The following FAM110A variants were observed in gnomAD, a reference collection of about 807,000 sequenced individuals.
FAM110A encodes protein FAM110A.
A neutral mutation model predicts 4.0 loss-of-function variants in FAM110A; 1 was observed. The observed-to-expected ratio is 0.25, with a 90% CI of 0.09 to 1.20. The LOEUF is 1.20. FAM110A is among the 50% of genes most tolerant of loss of function. FAM110A has a pLI of 0.50. For synonymous variants in FAM110A, 217 were observed against 196.8 expected (o/e 1.10, Z -0.86); for missense variants, 436 against 429.2 (o/e 1.02, Z -0.14).
chr20:845,971 G>T lies in FAM110A; in HGVS notation c.*279G>T. On this transcript the variant is annotated 3_prime_UTR_variant, in exon 2 of 2. Coordinates refer to ENST00000381941, the MANE Select transcript of FAM110A (RefSeq NM_001042353.3). ...TGTACTCCTGCTTAGTTCCTCTTGT[G>T]GGGCTGCATTTGCGGTGCTTTGCCC... 1.9e-6 allele frequency: 1 copy of T among 513,016 alleles called. No homozygotes were observed. The highest frequency in any genetic ancestry group is 3.4e-6 in the Non-Finnish European group (1 of 292,728). The allele number at this position is 513,016 out of a possible 1,614,324, so 31.8% of individuals were successfully genotyped here. A position where few individuals can be genotyped will look rare whatever the true frequency, so the allele number is the denominator to read the frequency against.
At chr20:836,263 T>TG (rs1979571331) in intron 1 of FAM110A, 1 of 43,800 alleles carries the variant, frequency 2.3e-5, no homozygotes, top group Admixed American at 2.4e-4. Context: ...GGGGGTGGGG[T>TG]GGGGCAGTGA....
chr20:845,152 C>A lies in FAM110A; in HGVS notation c.348C>A (p.Ser116Arg). 6.3e-7 allele frequency: 1 copy of A among 1,575,342 alleles called. No homozygotes were observed. The highest frequency in any genetic ancestry group is 8.6e-7 in the Non-Finnish European group (1 of 1,164,016). The change falls in exon 2 of 2, where the codon AGC becomes AGA. Residue 116 changes from serine to arginine, a missense_variant. Transcript: ENST00000381941. ...ILSSLIDLCD[S>R]PVSPAEASRT... ...GCAGCCTCATCGACTTGTGTGACAG[C>A]CCCGTGTCCCCTGCCGAGGCCAGCC... is the stretch of plus-strand genomic sequence containing the variant.
intron 1 of FAM110A, 47 bp from the exon 2 acceptor site, chr20:844,661 C>G (rs1458656251): frequency 7.7e-7 from 1 of 1,306,364 alleles, no homozygotes; most frequent in Non-Finnish European, 9.8e-7. Context: ...GCCTCTTTGT[C>G]TGAGCGCGCT....
rs759900368 is a variant in FAM110A at position 845,168 on chromosome 20, G to A, written c.364G>A (p.Glu122Lys). 1.3e-6 allele frequency: 2 copies of A among 1,568,426 alleles called. No homozygotes were observed. Among genetic ancestry groups the A allele is most frequent in the East Asian group, 2.4e-5 (1 of 42,544 alleles). The change falls in exon 2 of 2, where the codon GAG (glutamate) becomes AAG (lysine). Residue 122 changes from glutamate (E) to lysine (K), a missense_variant. Coordinates refer to ENST00000381941, the MANE Select transcript of FAM110A (RefSeq NM_001042353.3). ...GTGTGACAGCCCCGTGTCCCCTGCC[G>A]AGGCCAGCCGCACTCCTGGACGGGC... ...DLCDSPVSPAEASRTPGRAEG... is the reference protein window; with the variant it reads ...DLCDSPVSPAKASRTPGRAEG...
rs1408641483 is a variant in FAM110A at position 845,240 on chromosome 20, C to A, written c.436C>A (p.Pro146Thr). ...PPPATPPRPP[P>T]STSAVRRVDV... ...CCCAGCCACCCCTCCGCGACCGCCG[C>A]CCAGTACCTCTGCGGTCCGCCGGGT... Residue 146 changes from proline (P) to threonine (T), a missense_variant, in exon 2 of 2, where the codon CCC (proline) becomes ACC (threonine). Coordinates refer to ENST00000381941, the MANE Select transcript of FAM110A (RefSeq NM_001042353.3). 1.3e-6 allele frequency: 2 copies of A among 1,526,732 alleles called. No individual in the cohort carries two copies. The highest frequency in any genetic ancestry group is 2.1e-5 in the Admixed American group (1 of 47,624). The allele number at this position is 1,526,732 out of a possible 1,614,324, so 94.6% of individuals were successfully genotyped here.
At position 833,994 on chromosome 20, in the gene FAM110A, G is replaced by T. The variant is rs1018384554; in HGVS notation, c.-98+43G>T. 8 of 152,358 alleles carry T rather than the reference G, an allele frequency of 5.3e-5. No homozygotes were observed. Among genetic ancestry groups the T allele is most frequent in the Non-Finnish European group, 1.2e-4 (8 of 68,168 alleles). 9.4% of individuals were successfully genotyped at this position (152,358 alleles called of 1,614,324 possible). A position where few individuals can be genotyped will look rare whatever the true frequency, so the allele number is the denominator to read the frequency against. On this transcript the variant is annotated intron_variant, in intron 1 of 1. Coordinates refer to ENST00000381941, the MANE Select transcript of FAM110A (RefSeq NM_001042353.3). This position sits in a 1 kb window ranked among gnomAD's most constrained non-coding sequence, Gnocchi z 4.1. ...TCCGGGTGCGACCCCGGGTCTGGGGGCCCCGTTCCCCGAGCGTCTGCTGTC... is the reference window on the plus strand; with the variant it reads ...TCCGGGTGCGACCCCGGGTCTGGGGTCCCCGTTCCCCGAGCGTCTGCTGTC...
intron 1 of FAM110A, among the ~76,000 whole-genome samples, chr20:842,322 G>T (rs1048032029): frequency 6.6e-6 from 1 of 152,214 alleles, no homozygotes; most frequent in African/African-American, 2.4e-5. Context: ...GCCCGATCGG[G>T]GTCGTGCACG....
chr20:835,670 G>A (rs959202614), intron 1 of FAM110A, among the ~76,000 whole-genome samples: 2 of 152,194 alleles, frequency 1.3e-5, no homozygotes, highest in Non-Finnish European at 2.9e-5. Flanking sequence ...TAATGTTAGT[G>A]CAAGGCCACC....
At chr20:839,588 T>C in intron 1 of FAM110A, 2 of 1,021,452 alleles carry the variant, frequency 2.0e-6, no homozygotes, top group Non-Finnish European at 3.1e-6. Flanking sequence ...CAGCTTCCCG[T>C]CTTGTGAGTC....
chr20:839,867 G>T lies in FAM110A; in HGVS notation c.-97-4841G>T, dbSNP rs910923036. 7 of 1,605,548 alleles carry T rather than the reference G, an allele frequency of 4.4e-6. No homozygotes were observed. In the East Asian group the frequency reaches 1.3e-4, roughly 31 times the overall value. On this transcript the variant is annotated intron_variant, in intron 1 of 1. Coordinates refer to ENST00000381941, the MANE Select transcript of FAM110A (RefSeq NM_001042353.3). Reference sequence around the variant, plus strand: ...TGACGTGAAGGTTGGGCACATTCTTGTCTGCCAGCTCCGGGTGCTTAGGCA... The same window carrying T: ...TGACGTGAAGGTTGGGCACATTCTTTTCTGCCAGCTCCGGGTGCTTAGGCA...
intron 1 of FAM110A, among the ~76,000 whole-genome samples, chr20:843,700 T>C (rs1413335071): frequency 6.6e-6 from 1 of 152,176 alleles, no homozygotes; most frequent in Non-Finnish European, 1.5e-5. Flanking sequence ...GGTGACTCTG[T>C]GGGCTTGGCC....
Position 845,159 on chromosome 20 carries a change from TC to T in FAM110A, c.359del (p.Pro120LeufsTer72). On this transcript the variant is annotated frameshift_variant, in exon 2 of 2. Transcript: ENST00000381941. LOFTEE classifies it low-confidence loss of function (END_TRUNC). The part of the protein sequence containing the change: ...SLIDLCDSPV[S>X]PAEASRTPGR... The stretch of plus-strand genomic sequence containing the variant: ...CATCGACTTGTGTGACAGCCCCGTG[TC>T]CCCTGCCGAGGCCAGCCGCACTCCT... 6.4e-7 allele frequency: 1 copy of T among 1,569,310 alleles called. No individual in the cohort carries two copies.
chr20:836,251 G>C (rs1008801068), intron 1 of FAM110A: 15 of 145,600 alleles, frequency 1.0e-4, no homozygotes, highest in Non-Finnish European at 7.6e-5. Flanking sequence ...TTTTTTGGGG[G>C]GGGGGGTGGG....
Position 845,275 on chromosome 20 carries a change from C to A in FAM110A, c.471C>A (p.Arg157=). Residue 157 remains arginine (R), a synonymous_variant, in exon 2 of 2, where the codon CGC becomes CGA. Transcript: ENST00000381941. ...STSAVRRVDV[R]PLPASPARPC... is the part of the protein sequence containing the mutation. ...CTGCGGTCCGCCGGGTGGACGTCCG[C>A]CCCCTGCCCGCCTCGCCTGCCCGGC... The A allele has an allele frequency of 6.7e-7, 1 of 1,498,894 alleles. No individual in the cohort carries two copies. Among genetic ancestry groups the A allele is most frequent in the Non-Finnish European group, 8.9e-7 (1 of 1,127,182 alleles). The allele number at this position is 1,498,894 out of a possible 1,614,324, so 92.8% of individuals were successfully genotyped here.
At chr20:843,052 A>C (rs1056522178) in intron 1 of FAM110A, among the ~76,000 whole-genome samples, 1 of 152,200 alleles carries the variant, frequency 6.6e-6, no homozygotes, top group Non-Finnish European at 1.5e-5. Context: ...GACAACAAAG[A>C]GTAAAACAAC....
At chr20:836,681 C>T (rs1407603511) in intron 1 of FAM110A, among the ~76,000 whole-genome samples, 1 of 152,172 alleles carries the variant, frequency 6.6e-6, no homozygotes, top group Non-Finnish European at 1.5e-5. Flanking sequence ...GTACAAATAT[C>T]TGTTTGAGTT....
At position 834,643 on chromosome 20, in the gene FAM110A, A is replaced by G. The variant is rs1048489225; in HGVS notation, c.-98+692A>G. 3.9e-5 allele frequency among the ~76,000 whole-genome samples: 6 copies of G among 152,136 alleles called. No homozygotes were observed. The highest frequency in any genetic ancestry group is 3.9e-4 in the Admixed American group (6 of 15,284). On this transcript the variant is annotated intron_variant, in intron 1 of 1. Transcript: ENST00000381941. This position sits in a 1 kb window ranked among gnomAD's most constrained non-coding sequence, Gnocchi z 5.6. Reference sequence around the variant, plus strand: ...GACACCCCCTGCCCCCTAGGTTGCTATTGTCAGTCTCCTTTTGTAGGTGGG... The same window carrying G: ...GACACCCCCTGCCCCCTAGGTTGCTGTTGTCAGTCTCCTTTTGTAGGTGGG...
chr20:844,597 C>A (rs1172666289), intron 1 of FAM110A, 111 bp from the exon 2 acceptor site: 7 of 648,600 alleles, frequency 1.1e-5, no homozygotes, highest in Non-Finnish European at 1.6e-5. Flanking sequence ...TGTGGAGGGG[C>A]GTGGTCTCTA....
chr20:845,313 C>G lies in FAM110A; in HGVS notation c.509C>G (p.Pro170Arg). 6.5e-7 allele frequency: 1 copy of G among 1,550,082 alleles called. No individual in the cohort carries two copies. The highest frequency in any genetic ancestry group is 8.7e-7 in the Non-Finnish European group (1 of 1,147,694). The change falls in exon 2 of 2, where the codon CCC (proline) becomes CGC (arginine). Residue 170 changes from proline (P) to arginine (R), a missense_variant. Transcript: ENST00000381941. ...PASPARPCPS[P>R]GPAAASSPAR... ...TCGCCTGCCCGGCCCTGCCCATCAC[C>G]CGGCCCTGCCGCCGCCTCCAGCCCA...
Sources: allele counts gnomAD v4.1 joint callset (sites outside exome capture counted in the v4.1 genomes callset), GRCh38; gene constraint gnomAD v4.1.1; non-coding constraint Gnocchi (gnomAD v3.1); transcripts MANE v1.5; gene names NCBI Gene and HGNC (gene_info 2026-07-23, HGNC 2026-07-21).